The following ANKRD44 variants were observed in gnomAD, a reference collection of about 807,000 sequenced individuals.
The protein encoded by ANKRD44 is serine/threonine-protein phosphatase 6 regulatory ankyrin repeat subunit B.
ANKRD44 carries 35 observed loss-of-function variants against 116.0 expected under a neutral mutation model. The observed-to-expected ratio is 0.30, with a 90% confidence interval of 0.23 to 0.40. The LOEUF is 0.40. Ranked by LOEUF, ANKRD44 falls within the 10% of genes least tolerant of loss-of-function variation. The pLI, the probability that ANKRD44 is intolerant of heterozygous loss-of-function variation, is 1.00. For missense variants in ANKRD44, 1,014 were observed against 1,242.6 expected, an observed-to-expected ratio of 0.82 and a Z score of 2.77; for synonymous variants, 435 against 461.8, an observed-to-expected ratio of 0.94 and a Z score of 0.74.
At chr2:197,268,873 G>GT (rs892970474) in intron 1 of ANKRD44, among the ~76,000 whole-genome samples, 11 of 152,228 alleles carry the variant, frequency 7.2e-5, no homozygotes, top group South Asian at 2.1e-4. Context: ...GTTTTAAAAT[G>GT]TTTTTTTAAA....
intron 1 of ANKRD44, among the ~76,000 whole-genome samples, chr2:197,295,108 A>G (rs1331986749): frequency 1.3e-5 from 2 of 152,236 alleles, no homozygotes; most frequent in African/African-American, 4.8e-5. Flanking sequence ...ATACCAAAAA[A>G]GCTAACTAAG....
chr2:197,194,445 G>A (rs2080899030), intron 1 of ANKRD44, among the ~76,000 whole-genome samples: 1 of 152,162 alleles, frequency 6.6e-6, no homozygotes, highest in Non-Finnish European at 1.5e-5. Flanking sequence ...TCTCCTGATA[G>A]ACACAAAGGA....
In ANKRD44 at chr2:197,267,826, G is replaced by T. The variant is rs2082781418; in HGVS notation, c.27+42752C>A. 2.0e-5 allele frequency among the ~76,000 whole-genome samples: 3 copies of T among 152,216 alleles called. No homozygotes were observed. In the South Asian group the frequency reaches 6.2e-4, roughly 31 times the overall value. On this transcript the variant is annotated intron_variant, in intron 1 of 27. Transcript: ENST00000282272. ...GAAGAAGCCATTCCAGAGGAGCTGG[G>T]GTCGGGGTAAGACACCAAGGCAGGA...
chr2:197,273,287 C>CT (rs1244307088), intron 1 of ANKRD44, among the ~76,000 whole-genome samples: 4 of 152,138 alleles, frequency 2.6e-5, no homozygotes, highest in Admixed American at 2.6e-4. Flanking sequence ...CTCCTACAAA[C>CT]TGGTCAGAAG....
At chr2:197,272,145 C>T (rs2082915434) in intron 1 of ANKRD44, among the ~76,000 whole-genome samples, 1 of 152,182 alleles carries the variant, frequency 6.6e-6, no homozygotes, top group Non-Finnish European at 1.5e-5. Flanking sequence ...CTTATCAGAA[C>T]CTTACTAGGC....
At chr2:197,089,701 C>T (rs545739225) in intron 11 of ANKRD44, among the ~76,000 whole-genome samples, 3 of 152,308 alleles carry the variant, frequency 2.0e-5, no homozygotes, top group South Asian at 2.1e-4. Context: ...CACCCTGGAA[C>T]ACCCAAGCTT....
At chr2:197,025,630 G>A (rs1321248340) in intron 16 of ANKRD44, among the ~76,000 whole-genome samples, 1 of 152,150 alleles carries the variant, frequency 6.6e-6, no homozygotes, top group Non-Finnish European at 1.5e-5. Context: ...TTGGAAAAAC[G>A]AAGCATAGAT....
chr2:197,276,026 A>G (rs2083071713), intron 1 of ANKRD44, among the ~76,000 whole-genome samples: 1 of 152,142 alleles, frequency 6.6e-6, no homozygotes, highest in Non-Finnish European at 1.5e-5. Flanking sequence ...CTGTAATCCC[A>G]GCACTTTGGG....
At chr2:197,207,608 C>A (rs138042729) in intron 1 of ANKRD44, among the ~76,000 whole-genome samples, 1 of 152,276 alleles carries the variant, frequency 6.6e-6, no homozygotes, top group Admixed American at 6.5e-5. Flanking sequence ...GATCTCAAAT[C>A]ACTGAGAAAG....
At chr2:197,250,675 G>A (rs1409338257) in intron 1 of ANKRD44, among the ~76,000 whole-genome samples, 1 of 152,202 alleles carries the variant, frequency 6.6e-6, no homozygotes, top group Non-Finnish European at 1.5e-5. Context: ...TCACTAGCTA[G>A]AGGCCATTAT....
chr2:197,299,947 GT>G (rs1413145461), intron 1 of ANKRD44, among the ~76,000 whole-genome samples: 1 of 152,128 alleles, frequency 6.6e-6, no homozygotes, highest in Non-Finnish European at 1.5e-5. Context: ...CAAAATACAT[GT>G]TTGTTCACAA....
chr2:197,169,556 A>G (rs960403019), intron 2 of ANKRD44, among the ~76,000 whole-genome samples: 2 of 152,166 alleles, frequency 1.3e-5, no homozygotes, highest in African/African-American at 4.8e-5. Flanking sequence ...GGATTGTGAT[A>G]CCCTACTCCA....
chr2:197,001,846 A>G lies in ANKRD44; in HGVS notation c.2348-6T>C. ...CTCTATACAGTTTTCATTACCTGCA[A>G]GAAATAAAAATAATTTAGGGAGTTT... On this transcript the variant is annotated splice_polypyrimidine_tract_variant and splice_region_variant and intron_variant, in intron 21 of 27. Coordinates refer to ENST00000282272, the MANE Select transcript of ANKRD44 (RefSeq NM_001195144.2). 6.2e-7 allele frequency: 1 copy of G among 1,601,044 alleles called. No individual in the cohort carries two copies. The highest frequency in any genetic ancestry group is 1.7e-5 in the Admixed American group (1 of 58,580).
chr2:197,097,890 T>A (rs2078199632), intron 10 of ANKRD44, among the ~76,000 whole-genome samples: 1 of 152,208 alleles, frequency 6.6e-6, no homozygotes, highest in Admixed American at 6.5e-5. Context: ...GAGATGTGGC[T>A]CTTCCAGCCT....
At chr2:197,119,021 C>G (rs982497658) in intron 8 of ANKRD44, among the ~76,000 whole-genome samples, 1 of 152,000 alleles carries the variant, frequency 6.6e-6, no homozygotes, top group African/African-American at 2.4e-5. Flanking sequence ...GTAATGATCA[C>G]TTTTTCTTAT....
chr2:197,246,524 C>T (rs964324484), intron 1 of ANKRD44, among the ~76,000 whole-genome samples: 2 of 151,698 alleles, frequency 1.3e-5, no homozygotes, highest in African/African-American at 2.4e-5. Context: ...AATCATTCTG[C>T]CCAGCCATCC....
At chr2:197,092,095 C>T (rs192990498) in intron 10 of ANKRD44, among the ~76,000 whole-genome samples, 2 of 152,322 alleles carry the variant, frequency 1.3e-5, no homozygotes, top group East Asian at 1.9e-4. Flanking sequence ...AAGCCATGTG[C>T]TGAATTGTGG....
At chr2:197,268,896 A>G (rs139212828) in intron 1 of ANKRD44, among the ~76,000 whole-genome samples, 1 of 152,338 alleles carries the variant, frequency 6.6e-6, no homozygotes, top group African/African-American at 2.4e-5. Context: ...GTAATGATCT[A>G]AAGCTACCTA....
chr2:197,077,019 C>A (rs557971517), intron 16 of ANKRD44, among the ~76,000 whole-genome samples: 7 of 152,288 alleles, frequency 4.6e-5, no homozygotes, highest in Admixed American at 4.6e-4. Flanking sequence ...TGGGTATACA[C>A]CCAGTGGTGG....
Sources: gnomAD v4.1 joint callset for allele counts (sites outside exome capture counted in the v4.1 genomes callset) on GRCh38, gnomAD v4.1.1 for gene constraint, MANE v1.5 for transcripts, NCBI Gene and HGNC (gene_info 2026-07-23, HGNC 2026-07-21) for gene names.